The following SPDEF variants were observed in gnomAD, a reference collection of about 807,000 sequenced individuals.
SPDEF encodes SAM pointed domain-containing Ets transcription factor.
SPDEF carries 12 observed loss-of-function variants against 36.0 expected under a neutral mutation model. The observed-to-expected ratio is 0.33, with a 90% CI of 0.21 to 0.54. The LOEUF is 0.54. Ranked by LOEUF, SPDEF falls within the 20% of genes least tolerant of loss-of-function variation. SPDEF has a pLI of 0.93. For missense variants in SPDEF, 388 were observed against 456.9 expected (o/e 0.85, Z 1.37); for synonymous variants, 205 against 193.0 (o/e 1.06, Z -0.51).
chr6:34,552,881 G>T lies in SPDEF; in HGVS notation c.-30+3048C>A, dbSNP rs952437495. ...AGAGACACATCCCCCTTTTGTCCTG[G>T]CACAGAGGGTAGGGTGGGGCAGGAG... On this transcript the variant is annotated intron_variant, in intron 1 of 5. Transcript: ENST00000374037. The surrounding 1 kb of genome is among the most constrained non-coding windows in gnomAD (Gnocchi z 4.6). 2.0e-5 allele frequency among the ~76,000 whole-genome samples: 3 copies of T among 152,148 alleles called. No homozygotes were observed. The highest frequency in any genetic ancestry group is 2.9e-5 in the Non-Finnish European group (2 of 68,022).
intron 1 of SPDEF, among the ~76,000 whole-genome samples, chr6:34,553,150 C>T (rs1456718692): frequency 1.3e-5 from 2 of 152,186 alleles, no homozygotes; most frequent in African/African-American, 4.8e-5. Context: ...AGGTCCCTGG[C>T]TGGGGAGGAA....
intron 3 of SPDEF, among the ~76,000 whole-genome samples, chr6:34,540,342 G>A (rs896490385): frequency 2.0e-5 from 3 of 151,846 alleles, no homozygotes; most frequent in Non-Finnish European, 4.4e-5. Context: ...CTGTGGACAC[G>A]GACAGGGGCA....
chr6:34,541,117 C>G lies in SPDEF; in HGVS notation c.501G>C (p.Arg167=). Residue 167 remains arginine (R), a synonymous_variant, in exon 3 of 6, where the codon CGG becomes CGC. Coordinates refer to ENST00000374037, the MANE Select transcript of SPDEF (RefSeq NM_012391.3). ...KWLLWTEHQY[R]LPPMGKAFQE... ...GGAAGGCCTTGCCCATGGGGGGCAG[C>G]CGGTATTGGTGCTCTGTCCACAGGA... 1 of 1,610,182 alleles carries G rather than the reference C, an allele frequency of 6.2e-7. No homozygotes were observed. Among genetic ancestry groups the G allele is most frequent in the Non-Finnish European group, 8.5e-7 (1 of 1,178,624 alleles).
At position 34,544,624 on chromosome 6, in the gene SPDEF, G is replaced by A; in HGVS notation, c.-29-140C>T. ...TTGGGGGCTTCCGGGTCATTGGGCA[G>A]CCACGACATGGTTGGGCAGACAGGC... On this transcript the variant is annotated intron_variant, in intron 1 of 5. Coordinates refer to ENST00000374037, the MANE Select transcript of SPDEF (RefSeq NM_012391.3). The surrounding 1 kb of genome is among the most constrained non-coding windows in gnomAD (Gnocchi z 4.4). The A allele has an allele frequency of 1.6e-6, 1 of 642,866 alleles. No homozygotes were observed. Among genetic ancestry groups the A allele is most frequent in the Non-Finnish European group, 2.5e-6 (1 of 400,114 alleles). 39.8% of individuals were successfully genotyped at this position (642,866 alleles called of 1,614,324 possible). A position where few individuals can be genotyped will look rare whatever the true frequency, so the allele number is the denominator to read the frequency against.
At chr6:34,545,467 C>T (rs1260239788) in intron 1 of SPDEF, among the ~76,000 whole-genome samples, 4 of 152,272 alleles carry the variant, frequency 2.6e-5, no homozygotes, top group African/African-American at 7.2e-5. Flanking sequence ...CCACGGGCCG[C>T]CCCGGCTTGG....
In SPDEF at chr6:34,539,597, A is replaced by C; in HGVS notation, c.635-35T>G. ...AAGGAGAGGGGGTTGGGGACCCAGG[A>C]GAGGCCCCGAGGGTGGAGGAGGGGA... On this transcript the variant is annotated intron_variant, in intron 3 of 5. Transcript: ENST00000374037. This position sits in a 1 kb window ranked among gnomAD's most constrained non-coding sequence, Gnocchi z 5.2. 1 of 1,553,488 alleles carries C rather than the reference A, an allele frequency of 6.4e-7. No individual in the cohort carries two copies. The highest frequency in any genetic ancestry group is 1.4e-5 in the African/African-American group (1 of 73,318).
rs766829988 is a variant in SPDEF at position 34,539,226 on chromosome 6, G to C, written c.829+24C>G. The C allele has an allele frequency of 6.2e-7, 1 of 1,612,260 alleles. No individual in the cohort carries two copies. Among genetic ancestry groups the C allele is most frequent in the Non-Finnish European group, 8.5e-7 (1 of 1,179,218 alleles). ...AACCTCCATGCTCACTGGCCCTGCA[G>C]CGCCCCTTGGGCACCCTGCTCACCC... is the stretch of plus-strand genomic sequence containing the variant. On this transcript the variant is annotated intron_variant, in intron 5 of 5. Coordinates refer to ENST00000374037, the MANE Select transcript of SPDEF (RefSeq NM_012391.3). This position sits in a 1 kb window ranked among gnomAD's most constrained non-coding sequence, Gnocchi z 5.2.
chr6:34,542,443 A>G (rs555967724), intron 2 of SPDEF, among the ~76,000 whole-genome samples: 2 of 152,350 alleles, frequency 1.3e-5, no homozygotes, highest in South Asian at 4.1e-4. Context: ...TCCCCTCCTC[A>G]TCGGGGCCTT....
intron 1 of SPDEF, among the ~76,000 whole-genome samples, chr6:34,546,882 G>A (rs1388160547): frequency 1.3e-5 from 2 of 152,152 alleles, no homozygotes; most frequent in African/African-American, 4.8e-5. Context: ...ACTCGTGTGT[G>A]CTGTGGGCCC....
At chr6:34,547,405 T>G (rs1432385238) in intron 1 of SPDEF, among the ~76,000 whole-genome samples, 1 of 152,124 alleles carries the variant, frequency 6.6e-6, no homozygotes, top group Non-Finnish European at 1.5e-5. Flanking sequence ...AGATAAGGTC[T>G]CGCTCTGTCG....
chr6:34,547,129 A>G (rs1250141019), intron 1 of SPDEF, among the ~76,000 whole-genome samples: 1 of 151,984 alleles, frequency 6.6e-6, no homozygotes, highest in African/African-American at 2.4e-5. Context: ...AGGGAGACAG[A>G]AGCTTTTCCA....
chr6:34,552,328 G>A lies in SPDEF; in HGVS notation c.-30+3601C>T, dbSNP rs1049057376. Reference sequence around the variant, plus strand: ...GGTCGTTGAGGGCATGAGAACACACGGATGTCACCGGAGCTCTGCTGCTCC... The same window carrying A: ...GGTCGTTGAGGGCATGAGAACACACAGATGTCACCGGAGCTCTGCTGCTCC... On this transcript the variant is annotated intron_variant, in intron 1 of 5. Coordinates refer to ENST00000374037, the MANE Select transcript of SPDEF (RefSeq NM_012391.3). The surrounding 1 kb of genome is among the most constrained non-coding windows in gnomAD (Gnocchi z 4.6). Among the ~76,000 whole-genome samples, 99 of 152,218 alleles carry A rather than the reference G, an allele frequency of 6.5e-4. No individual in the cohort carries two copies. Among genetic ancestry groups the A allele is most frequent in the African/African-American group, 2.3e-3 (94 of 41,464 alleles).
In SPDEF at chr6:34,539,688, C is replaced by T. The variant is rs1673346248; in HGVS notation, c.635-126G>A. ...TGGCTGGGGGTTGCCCCTGTGGCTC[C>T]CTGCCTCCTGCCAACCTGGGGAGGC... is the stretch of plus-strand genomic sequence containing the variant. On this transcript the variant is annotated intron_variant, in intron 3 of 5. Transcript: ENST00000374037. The surrounding 1 kb of genome is among the most constrained non-coding windows in gnomAD (Gnocchi z 5.2). 4.8e-6 allele frequency: 5 copies of T among 1,047,246 alleles called. No homozygotes were observed. The highest frequency in any genetic ancestry group is 7.2e-6 in the Non-Finnish European group (5 of 694,318). 64.9% of individuals were successfully genotyped at this position (1,047,246 alleles called of 1,614,324 possible). A position where few individuals can be genotyped will look rare whatever the true frequency, so the allele number is the denominator to read the frequency against.
rs968835538 is a variant in SPDEF at position 34,538,520 on chromosome 6, C to A, written c.830-68G>T. 2 of 1,501,318 alleles carry A rather than the reference C, an allele frequency of 1.3e-6. No homozygotes were observed. The highest frequency in any genetic ancestry group is 3.7e-5 in the Admixed American group (2 of 53,924). The allele number at this position is 1,501,318 out of a possible 1,614,324, so 93.0% of individuals were successfully genotyped here. A position where few individuals can be genotyped will look rare whatever the true frequency, so the allele number is the denominator to read the frequency against. On this transcript the variant is annotated intron_variant, in intron 5 of 5. Transcript: ENST00000374037. The surrounding 1 kb of genome is among the most constrained non-coding windows in gnomAD (Gnocchi z 5.9). Reference sequence around the variant, plus strand: ...GTGGCAAGAAGGAGAAAGACGCAGACCACCAGGTCAGCCTCGTGGCGAACC... The same window carrying A: ...GTGGCAAGAAGGAGAAAGACGCAGAACACCAGGTCAGCCTCGTGGCGAACC...
chr6:34,545,783 G>A (rs1767939332), intron 1 of SPDEF, among the ~76,000 whole-genome samples: 1 of 152,112 alleles, frequency 6.6e-6, no homozygotes, highest in African/African-American at 2.4e-5. Flanking sequence ...GGTGGTGGGT[G>A]CCTGATTCTC....
rs750651333 is a variant in SPDEF, at chr6:34,539,576, A to G, written c.635-14T>C. The G allele has an allele frequency of 6.4e-7, 1 of 1,563,014 alleles. No homozygotes were observed. The highest frequency in any genetic ancestry group is 1.2e-5 in the South Asian group (1 of 85,194). On this transcript the variant is annotated splice_polypyrimidine_tract_variant and intron_variant, in intron 3 of 5. Transcript: ENST00000374037. This position sits in a 1 kb window ranked among gnomAD's most constrained non-coding sequence, Gnocchi z 5.2. ...TCATCCAGGCCGCTGCAGGGCAAGG[A>G]GAGGGGGTTGGGGACCCAGGAGAGG... is the stretch of plus-strand genomic sequence containing the variant.
rs1767749107 is a variant in SPDEF at position 34,538,776 on chromosome 6, C to T, written c.830-324G>A. 6.6e-6 allele frequency among the ~76,000 whole-genome samples: 1 copy of T among 152,152 alleles called. No homozygotes were observed. Among genetic ancestry groups the T allele is most frequent in the Non-Finnish European group, 1.5e-5 (1 of 68,014 alleles). ...GCCCTGCAGGCCTGGCCCTTGCCAA[C>T]TCCTGCTTCTGTGTGGGGTTTGCAT... On this transcript the variant is annotated intron_variant, in intron 5 of 5. Transcript: ENST00000374037. This position sits in a 1 kb window ranked among gnomAD's most constrained non-coding sequence, Gnocchi z 5.9.
rs1459954074 is a variant in SPDEF, at chr6:34,538,401, C to A, written c.881G>T (p.Arg294Leu). 1.9e-6 allele frequency: 3 copies of A among 1,613,820 alleles called. No homozygotes were observed. The highest frequency in any genetic ancestry group is 2.2e-5 in the South Asian group (2 of 91,070). Residue 294 changes from arginine to leucine, a missense_variant, in exon 6 of 6, where the codon CGC becomes CTC. By Grantham distance (102) the Arg-to-Leu change is moderately radical. Coordinates refer to ENST00000374037, the MANE Select transcript of SPDEF (RefSeq NM_012391.3). This position sits in a 1 kb window ranked among gnomAD's most constrained non-coding sequence, Gnocchi z 5.9. The part of the protein sequence containing the change: ...SAQVARLWGI[R>L]KNRPAMNYDK... ...GTAGTTCATGGCGGGACGGTTCTTG[C>A]GGATGCCCCACAGCCGGGCCACCTG...
Position 34,541,058 on chromosome 6 carries a change from G to A in SPDEF, c.560C>T (p.Ser187Leu), listed in dbSNP as rs1209227466. Residue 187 changes from serine (S) to leucine (L), a missense_variant, in exon 3 of 6, where the codon TCG becomes TTG. By Grantham distance (145) the Ser-to-Leu change is moderately radical (BLOSUM62 -2). Coordinates refer to ENST00000374037, the MANE Select transcript of SPDEF (RefSeq NM_012391.3). ...CGAGCGCTGGCGGAACTGCTCCTCC[G>A]ACATGGCGCACAGCTCCTTGCCCGC... ...ELAGKELCAM[S>L]EEQFRQRSPL... The A allele has an allele frequency of 9.3e-6, 15 of 1,612,582 alleles. No homozygotes were observed. Among genetic ancestry groups the A allele is most frequent in the Admixed American group, 5.0e-5 (3 of 59,936 alleles).
Sources: gnomAD v4.1 joint callset for allele counts (sites outside exome capture counted in the v4.1 genomes callset) on GRCh38, gnomAD v4.1.1 for gene constraint, Gnocchi (gnomAD v3.1) non-coding constraint, MANE v1.5 for transcripts, NCBI Gene and HGNC (gene_info 2026-07-23, HGNC 2026-07-21) for gene names.